The following ARNT variants were observed in gnomAD, a reference collection of about 807,000 sequenced individuals.
ARNT encodes the protein aryl hydrocarbon receptor nuclear translocator, also known as class E basic helix-loop-helix protein 2.
In ARNT, 30 loss-of-function variants were observed where a neutral mutation model predicts 105.0. That is an observed-to-expected ratio of 0.29 (90% CI 0.21 to 0.39). ARNT has a LOEUF of 0.39. Among genes scored for constraint, ARNT ranks in the 10% least tolerant of loss-of-function variants. The pLI, the probability that ARNT is intolerant of heterozygous loss-of-function variation, is 1.00. For synonymous variants in ARNT, 304 were observed against 344.0 expected, an observed-to-expected ratio of 0.88 and a Z score of 1.29; for missense variants, 748 against 978.7, an observed-to-expected ratio of 0.76 and a Z score of 3.15.
At chr1:150,864,087 C>T (rs1047652290) in intron 1 of ARNT, among the ~76,000 whole-genome samples, 1 of 152,094 alleles carries the variant, frequency 6.6e-6, no homozygotes, top group African/African-American at 2.4e-5. Context: ...CAGCCTATTA[C>T]TCCCAACCTG....
chr1:150,821,696 T>A (rs775662276), intron 14 of ARNT, among the ~76,000 whole-genome samples: 19 of 152,156 alleles, frequency 1.2e-4, no homozygotes, highest in Non-Finnish European at 2.6e-4. Context: ...TCACCCAGGC[T>A]GGAGTGCAGT....
At chr1:150,822,094 GCTAA>G (rs1235711516) in intron 14 of ARNT, among the ~76,000 whole-genome samples, 1 of 151,756 alleles carries the variant, frequency 6.6e-6, no homozygotes, top group Non-Finnish European at 1.5e-5. Flanking sequence ...GTATGACATG[GCTAA>G]CTTTTTCTAA....
chr1:150,826,302 A>G (rs2101768047), intron 13 of ARNT, among the ~76,000 whole-genome samples: 1 of 152,354 alleles, frequency 6.6e-6, no homozygotes, highest in Middle Eastern at 3.4e-3. Context: ...CCTTAAAGAC[A>G]GCTCCTTGGA....
chr1:150,853,289 A>AG, intron 2 of ARNT: 1 of 385,718 alleles, frequency 2.6e-6, no homozygotes, highest in Non-Finnish European at 5.1e-6. Flanking sequence ...CTCAAAAAAA[A>AG]AAAGTACAAA....
chr1:150,839,556 C>T lies in ARNT; in HGVS notation c.371G>A (p.Arg124Gln), dbSNP rs1660906433. ...DMVPTCSALA[R>Q]KPDKLTILRM... ...TAAGATGGTTAGCTTGTCTGGTTTT[C>T]GAGCCAGGGCACTACAGGTGGGTAC... Residue 124 changes from arginine to glutamine, a missense_variant, in exon 6 of 22, where the codon CGA (arginine) becomes CAA (glutamine). This residue lies in a region of ARNT where 291 missense variants were observed against 444.6 expected (regional missense o/e 0.65). Transcript: ENST00000358595. 1 of 1,614,160 alleles carries T rather than the reference C, an allele frequency of 6.2e-7. No homozygotes were observed. The highest frequency in any genetic ancestry group is 1.1e-5 in the South Asian group (1 of 91,076).
At chr1:150,876,239 C>T (rs981128098) in intron 1 of ARNT, among the ~76,000 whole-genome samples, 3 of 152,206 alleles carry the variant, frequency 2.0e-5, no homozygotes, top group Non-Finnish European at 4.4e-5. Flanking sequence ...CATCACAGAC[C>T]AGACGCCGAC....
Position 150,816,772 on chromosome 1 carries a change from T to C in ARNT, c.1802+16A>G, listed in dbSNP as rs746455356. The C allele has an allele frequency of 8.5e-5, 134 of 1,569,386 alleles. 3 individuals are homozygous for C. The East Asian group carries it at 2.6e-3, about 30-fold the overall frequency. On this transcript the variant is annotated intron_variant, in intron 18 of 21. Transcript: ENST00000358595. ...CCTCAGGGCCCTGTAAAGCAGCACA[T>C]ATATACGGGGCTCACCTGAAATTCT...
At chr1:150,833,762 G>A (rs1328986156) in intron 8 of ARNT, among the ~76,000 whole-genome samples, 3 of 150,906 alleles carry the variant, frequency 2.0e-5, no homozygotes, top group East Asian at 3.9e-4. Context: ...AAAGACATAG[G>A]AAGTCTCAAA....
chr1:150,832,607 C>T (rs1006544969), intron 8 of ARNT, among the ~76,000 whole-genome samples: 3 of 152,150 alleles, frequency 2.0e-5, no homozygotes, highest in African/African-American at 7.2e-5. Flanking sequence ...TCTTCATATG[C>T]AAACATTCTC....
chr1:150,823,145 G>A (rs1346548756), intron 14 of ARNT, 49 bp downstream of exon 14: 1 of 1,449,166 alleles, frequency 6.9e-7, no homozygotes, highest in South Asian at 1.6e-5. Context: ...GTTTTCTGTT[G>A]TGAGAACAGA....
chr1:150,823,129 A>AG lies in ARNT; in HGVS notation c.1394+64dup, dbSNP rs1406021154. 4 of 1,395,332 alleles carry AG rather than the reference A, an allele frequency of 2.9e-6. No individual in the cohort carries two copies. In the African/African-American group the frequency reaches 4.3e-5, roughly 15 times the overall value. 86.4% of individuals were successfully genotyped at this position (1,395,332 alleles called of 1,614,324 possible). On this transcript the variant is annotated intron_variant, in intron 14 of 21. Coordinates refer to ENST00000358595, the MANE Select transcript of ARNT (RefSeq NM_001668.4). Reference sequence around the variant, plus strand: ...TTGTTTACCCCCCACATAGGGCATCAGAAGTGTTTTCTGTTGTGAGAACAG... The same window carrying AG: ...TTGTTTACCCCCCACATAGGGCATCAGGAAGTGTTTTCTGTTGTGAGAACAG...
intron 1 of ARNT, among the ~76,000 whole-genome samples, chr1:150,873,435 G>A (rs1012547909): frequency 7.3e-5 from 11 of 151,228 alleles, no homozygotes; most frequent in African/African-American, 2.7e-4. Flanking sequence ...AGAATATGAA[G>A]AATTATCAAT....
chr1:150,869,716 T>G (rs1285347439), intron 1 of ARNT, among the ~76,000 whole-genome samples: 1 of 151,884 alleles, frequency 6.6e-6, no homozygotes, highest in East Asian at 1.9e-4. Flanking sequence ...TCTAGCTAAT[T>G]TTTTTATATA....
At chr1:150,815,563 A>G (rs1335078697) in intron 19 of ARNT, among the ~76,000 whole-genome samples, 1 of 148,566 alleles carries the variant, frequency 6.7e-6, no homozygotes, top group East Asian at 2.0e-4. Flanking sequence ...GAAAAAAAAA[A>G]AAAAAGAATT....
chr1:150,844,454 C>A (rs1661806911), intron 4 of ARNT, among the ~76,000 whole-genome samples: 1 of 152,122 alleles, frequency 6.6e-6, no homozygotes, highest in Admixed American at 6.6e-5. Flanking sequence ...CTCACCACTC[C>A]AGAATAGTTT....
At chr1:150,855,863 C>A (rs2102252827) in intron 2 of ARNT, among the ~76,000 whole-genome samples, 1 of 151,554 alleles carries the variant, frequency 6.6e-6, no homozygotes, top group East Asian at 2.0e-4. Flanking sequence ...CATGATCATG[C>A]CACTGCACTC....
chr1:150,822,812 T>G (rs587729118), intron 14 of ARNT, among the ~76,000 whole-genome samples: 25 of 152,340 alleles, frequency 1.6e-4, no homozygotes, highest in African/African-American at 6.0e-4. Context: ...CTTGTGGTAC[T>G]GCATACACAA....
intron 1 of ARNT, among the ~76,000 whole-genome samples, chr1:150,865,886 A>G (rs1204445920): frequency 1.3e-5 from 2 of 152,072 alleles, no homozygotes; most frequent in Non-Finnish European, 2.9e-5. Context: ...ATGTATGAAA[A>G]TATTTCTTCT....
At chr1:150,818,653 A>T (rs759686761) in intron 14 of ARNT, among the ~76,000 whole-genome samples, 5 of 152,064 alleles carry the variant, frequency 3.3e-5, no homozygotes, top group Non-Finnish European at 5.9e-5. Flanking sequence ...CAGGAGACAG[A>T]TGGGAGGATT....
Sources: gnomAD v4.1 joint callset for allele counts (sites outside exome capture counted in the v4.1 genomes callset) on GRCh38, gnomAD v4.1.1 for gene constraint, gnomAD v4.1.1 regional missense constraint, MANE v1.5 for transcripts, NCBI Gene and HGNC (gene_info 2026-07-23, HGNC 2026-07-21) for gene names.